Variants in PIP5K1A observed in about 807,000 individuals in gnomAD.
The protein encoded by PIP5K1A is phosphatidylinositol-4-phosphate 5-kinase type 1 alpha, also known as phosphatidylinositol 4-phosphate 5-kinase type-1 alpha.
In PIP5K1A, 46 loss-of-function variants were observed where a neutral mutation model predicts 72.9. The ratio of observed to expected loss-of-function variants is 0.63; its 90% CI spans 0.50 to 0.81. The LOEUF (loss-of-function observed/expected upper bound fraction) is 0.81, where lower values mean the gene tolerates loss of function less well. Ranked by LOEUF, PIP5K1A falls within the 30% of genes least tolerant of loss-of-function variation. The probability of loss-of-function intolerance (pLI) is 0.00; values close to 1 mark genes in which losing one functional copy is unlikely to be tolerated. For synonymous variants in PIP5K1A, 228 were observed against 255.1 expected (o/e 0.89, Z 1.01); for missense variants, 458 against 706.1 (o/e 0.65, Z 3.98).
intron 1 of PIP5K1A, among the ~76,000 whole-genome samples, chr1:151,200,812 GTATTTATT>G (rs36040796): frequency 0.37 from 54,981 of 149,332 alleles, 11,743 homozygotes; most frequent in East Asian, 0.53. Flanking sequence ...AAGTGACAGG[GTATTTATT>G]TATTTATTTA....
intron 3 of PIP5K1A, among the ~76,000 whole-genome samples, chr1:151,226,390 C>T (rs951249865): frequency 2.0e-5 from 3 of 151,960 alleles, no homozygotes; most frequent in South Asian, 2.1e-4. Flanking sequence ...CGGCCATCGC[C>T]GAGCTGTGTT....
chr1:151,230,493 A>G (rs1382805986), intron 4 of PIP5K1A, among the ~76,000 whole-genome samples: 3 of 152,136 alleles, frequency 2.0e-5, no homozygotes, highest in African/African-American at 7.2e-5. Flanking sequence ...GCTCTCAGAA[A>G]TAATTTGAGT....
chr1:151,215,133 C>T (rs1008634952), intron 1 of PIP5K1A, among the ~76,000 whole-genome samples: 2 of 149,036 alleles, frequency 1.3e-5, no homozygotes, highest in African/African-American at 2.5e-5. Context: ...CGGGTTCAAG[C>T]GATTCTCCTG....
chr1:151,216,348 CA>C (rs587687791), intron 1 of PIP5K1A, among the ~76,000 whole-genome samples: 855 of 53,358 alleles, frequency 0.016, 8 homozygotes, highest in African/African-American at 0.04. Context: ...GACTCCGTCT[CA>C]AAAAAAAAAA....
intron 3 of PIP5K1A, among the ~76,000 whole-genome samples, chr1:151,225,060 C>T (rs1008412116): frequency 2.0e-5 from 3 of 152,148 alleles, no homozygotes; most frequent in Non-Finnish European, 4.4e-5. Context: ...TCCAGCCAGT[C>T]ACGGTTGCTC....
At chr1:151,228,670 G>A (rs914572683) in intron 4 of PIP5K1A, among the ~76,000 whole-genome samples, 1 of 152,134 alleles carries the variant, frequency 6.6e-6, no homozygotes, top group African/African-American at 2.4e-5. Flanking sequence ...CTGAGGGACA[G>A]TGTTCAGTCT....
rs1434579988 is a variant in PIP5K1A at position 151,224,367 on chromosome 1, T to C, written c.121-4T>C. 6.2e-7 allele frequency: 1 copy of C among 1,609,558 alleles called. No homozygotes were observed. The highest frequency in any genetic ancestry group is 2.2e-5 in the East Asian group (1 of 44,846). On this transcript the variant is annotated splice_polypyrimidine_tract_variant and splice_region_variant and intron_variant, in intron 2 of 15. Coordinates refer to ENST00000368888, the MANE Select transcript of PIP5K1A (RefSeq NM_001135638.2). Reference sequence around the variant, plus strand: ...TATGACATTTTTATTTTTTCTCTACTTAGGTCTTGGAAGCTAGACAGGATT... The same window carrying C: ...TATGACATTTTTATTTTTTCTCTACCTAGGTCTTGGAAGCTAGACAGGATT...
rs938566958 is a variant in PIP5K1A at position 151,198,637 on chromosome 1, G to T, written c.-360G>T. On this transcript the variant is annotated 5_prime_UTR_variant, in exon 1 of 16. Coordinates refer to ENST00000368888, the MANE Select transcript of PIP5K1A (RefSeq NM_001135638.2). ...TAGGAAGGACGGAGAAGGGGCGTTC[G>T]CTCCTTTGGGACTTTTCATGCCTCG... 5.0e-5 allele frequency: 13 copies of T among 261,116 alleles called. No individual in the cohort carries two copies. Among genetic ancestry groups the T allele is most frequent in the Non-Finnish European group, 8.2e-5 (11 of 134,224 alleles). The allele number at this position is 261,116 out of a possible 1,614,324, so 16.2% of individuals were successfully genotyped here.
In PIP5K1A at chr1:151,247,999, C is replaced by A; in HGVS notation, c.*134C>A. On this transcript the variant is annotated 3_prime_UTR_variant, in exon 16 of 16. Coordinates refer to ENST00000368888, the MANE Select transcript of PIP5K1A (RefSeq NM_001135638.2). ...AGGAGTGTAATAGAAGTGAGGGGAG[C>A]TGCTCCTCCATCTTCTTCCTGAAGA... 1 of 771,664 alleles carries A rather than the reference C, an allele frequency of 1.3e-6. No individual in the cohort carries two copies. The highest frequency in any genetic ancestry group is 2.3e-6 in the Non-Finnish European group (1 of 441,242). 47.8% of individuals were successfully genotyped at this position (771,664 alleles called of 1,614,324 possible). A position where few individuals can be genotyped will look rare whatever the true frequency, so the allele number is the denominator to read the frequency against.
chr1:151,240,744 A>T (rs922478252), intron 12 of PIP5K1A, among the ~76,000 whole-genome samples: 1 of 152,172 alleles, frequency 6.6e-6, no homozygotes, highest in Non-Finnish European at 1.5e-5. Context: ...CCTGGGCAAC[A>T]TCATGAGACC....
In PIP5K1A at chr1:151,242,571, G is replaced by T. The variant is rs1323132234; in HGVS notation, c.1640+4G>T. On this transcript the variant is annotated splice_donor_region_variant and intron_variant, in intron 14 of 15. Coordinates refer to ENST00000368888, the MANE Select transcript of PIP5K1A (RefSeq NM_001135638.2). ...CTTTGCAAATGCTAACTACAAGGTT[G>T]GTTTATTGGCCCCTTTCTCCATATA... The T allele has an allele frequency of 1.2e-6, 2 of 1,612,846 alleles. No homozygotes were observed. The highest frequency in any genetic ancestry group is 1.7e-6 in the Non-Finnish European group (2 of 1,179,206).
At chr1:151,207,804 A>G (rs1402767729) in intron 1 of PIP5K1A, among the ~76,000 whole-genome samples, 1 of 151,512 alleles carries the variant, frequency 6.6e-6, no homozygotes, top group Admixed American at 6.6e-5. Context: ...TGCTGGGATG[A>G]TTACGGGCAT....
At chr1:151,232,976 T>G (rs1467641144) in intron 7 of PIP5K1A, among the ~76,000 whole-genome samples, 4 of 151,618 alleles carry the variant, frequency 2.6e-5, no homozygotes, top group African/African-American at 9.7e-5. Flanking sequence ...AGCGGGCGCC[T>G]GTAGTCCCAG....
intron 1 of PIP5K1A, among the ~76,000 whole-genome samples, chr1:151,203,574 C>T (rs1313981881): frequency 6.6e-6 from 1 of 150,868 alleles, no homozygotes; most frequent in African/African-American, 2.4e-5. Context: ...GCCTGTAATC[C>T]CAGCACTTTG....
In PIP5K1A at chr1:151,245,726, T is replaced by G. The variant is rs186252976; in HGVS notation, c.1641-1194T>G. On this transcript the variant is annotated intron_variant, in intron 14 of 15. Transcript: ENST00000368888. ...AATTTTTGTATTTTTGGTAGAGACG[T>G]GGTTTTGCCATGTTGCTGAGGCTGG... Among the ~76,000 whole-genome samples the G allele has an allele frequency of 9.0e-3, 1,364 of 152,180 alleles. 13 individuals carry two copies. Among genetic ancestry groups the G allele is most frequent in the African/African-American group, 0.017 (718 of 41,522 alleles).
intron 15 of PIP5K1A, among the ~76,000 whole-genome samples, chr1:151,247,503 G>A (rs2101786696): frequency 6.6e-6 from 1 of 152,202 alleles, no homozygotes; most frequent in Non-Finnish European, 1.5e-5. Flanking sequence ...TCGGCTCACT[G>A]CAAGCTACGC....
rs587689188 is a variant in PIP5K1A at position 151,217,549 on chromosome 1, T to A, written c.86-6696T>A. On this transcript the variant is annotated intron_variant, in intron 1 of 15. Coordinates refer to ENST00000368888, the MANE Select transcript of PIP5K1A (RefSeq NM_001135638.2). ...TGTACAGTAGGTGGAATTGTTCATTTTTTCAGAAGCATTTTAATTTTATTA... is the reference window on the plus strand; with the variant it reads ...TGTACAGTAGGTGGAATTGTTCATTATTTCAGAAGCATTTTAATTTTATTA... 1.4e-4 allele frequency among the ~76,000 whole-genome samples: 21 copies of A among 152,280 alleles called. No individual in the cohort carries two copies. The East Asian group carries it at 3.9e-3, about 28-fold the overall frequency.
rs776566972 is a variant in PIP5K1A, at chr1:151,232,317, C to T, written c.438C>T (p.Ala146=). 1 of 1,614,108 alleles carries T rather than the reference C, an allele frequency of 6.2e-7. No homozygotes were observed. Among genetic ancestry groups the T allele is most frequent in the Non-Finnish European group, 8.5e-7 (1 of 1,179,984 alleles). ...GTTTCAAGACCTATGCACCTGTTGCCTTCCGCTACTTCCGGGAGCTATTTG... is the reference window on the plus strand; with the variant it reads ...GTTTCAAGACCTATGCACCTGTTGCTTTCCGCTACTTCCGGGAGCTATTTG... ...DFRFKTYAPV[A]FRYFRELFGI... is the part of the protein sequence containing the mutation. Residue 146 remains alanine, a synonymous_variant, in exon 6 of 16, where the codon GCC becomes GCT. Coordinates refer to ENST00000368888, the MANE Select transcript of PIP5K1A (RefSeq NM_001135638.2).
intron 1 of PIP5K1A, among the ~76,000 whole-genome samples, chr1:151,207,829 G>C (rs1686154249): frequency 6.7e-6 from 1 of 150,018 alleles, no homozygotes; most frequent in African/African-American, 2.5e-5. Context: ...CACCACACCT[G>C]GCCATCAAGA....
Sources: allele counts gnomAD v4.1 joint callset (sites outside exome capture counted in the v4.1 genomes callset), GRCh38; gene constraint gnomAD v4.1.1; transcripts MANE v1.5; gene names NCBI Gene and HGNC (gene_info 2026-07-23, HGNC 2026-07-21).